PALM2AKAP2: variants seen among roughly 807,000 people sequenced by gnomAD.
The protein encoded by PALM2AKAP2 is PALM2-AKAP2 fusion protein.
PALM2AKAP2 carries 37 observed loss-of-function variants against 71.5 expected under a neutral mutation model. The observed-to-expected ratio is 0.52, with a 90% CI of 0.40 to 0.68. PALM2AKAP2 has a LOEUF of 0.68. Among genes scored for constraint, PALM2AKAP2 ranks in the 30% least tolerant of loss-of-function variants. The pLI is 0.00. For synonymous variants in PALM2AKAP2, 468 were observed against 478.8 expected, an observed-to-expected ratio of 0.98 and a Z score of 0.29; for missense variants, 1,224 against 1,191.8, an observed-to-expected ratio of 1.03 and a Z score of -0.40.
intron 3 of PALM2AKAP2, among the ~76,000 whole-genome samples, chr9:109,918,093 A>G (rs879335139): frequency 6.6e-6 from 1 of 152,078 alleles, no homozygotes; most frequent in Non-Finnish European, 1.5e-5. Context: ...TTGTATTGTA[A>G]TTTATGTGTT....
intron 7 of PALM2AKAP2, among the ~76,000 whole-genome samples, chr9:110,029,799 G>A (rs969874089): frequency 1.3e-5 from 2 of 152,132 alleles, no homozygotes; most frequent in African/African-American, 4.8e-5. Flanking sequence ...TTTAGGCAGG[G>A]AACCAGTTTG....
exon 4 of PALM2AKAP2, chr9:110,169,814 G>GGTGTGT (rs141063967): frequency 6.6e-6 from 1 of 151,334 alleles, no homozygotes; most frequent in East Asian, 1.9e-4. Flanking sequence ...CATGAGTAAG[G>GGTGTGT]GTGTGTGTGT....
intron 6 of PALM2AKAP2, chr9:109,943,322 C>A (rs757374309): frequency 6.2e-7 from 1 of 1,614,222 alleles, no homozygotes. Flanking sequence ...GTCTCAGACA[C>A]CACAGAGCCC....
chr9:109,672,576 T>C (rs1218279084), intron 1 of PALM2AKAP2, among the ~76,000 whole-genome samples: 1 of 152,034 alleles, frequency 6.6e-6, no homozygotes, highest in Non-Finnish European at 1.5e-5. Flanking sequence ...TTTTTGTTGT[T>C]GTATCTCTGT....
chr9:110,136,637 C>A (rs1454362578), exon 2 of PALM2AKAP2: 1 of 1,614,144 alleles, frequency 6.2e-7, no homozygotes, highest in African/African-American at 1.3e-5. Context: ...AACAAATGGC[C>A]ATTCCCCCAG....
At chr9:109,712,512 G>A (rs373075219) in intron 1 of PALM2AKAP2, among the ~76,000 whole-genome samples, 1 of 152,180 alleles carries the variant, frequency 6.6e-6, no homozygotes, top group East Asian at 1.9e-4. Context: ...GATTCATCTG[G>A]AAACAGTTGT....
Position 109,936,126 on chromosome 9 carries a change from A to G in PALM2AKAP2, c.496+4098A>G, listed in dbSNP as rs760043602. ...TGATACATAATAATTGTACATATTT[A>G]TGGGGTACATGTGGTATTTTGATAC... On this transcript the variant is annotated intron_variant, in intron 6 of 9. Coordinates refer to the PALM2AKAP2 transcript ENST00000302798. Among the ~76,000 whole-genome samples, 7 of 152,268 alleles carry G rather than the reference A, an allele frequency of 4.6e-5. 1 individual carries two copies. Among genetic ancestry groups the G allele is most frequent in the East Asian group, 1.9e-4 (1 of 5,188 alleles).
At chr9:109,781,885 A>G (rs1271329157) in intron 1 of PALM2AKAP2, among the ~76,000 whole-genome samples, 1 of 152,186 alleles carries the variant, frequency 6.6e-6, no homozygotes, top group Non-Finnish European at 1.5e-5. Context: ...AGTTGGTGGC[A>G]AGGCAGCATG....
At chr9:109,881,369 T>G (rs552089595) in intron 3 of PALM2AKAP2, among the ~76,000 whole-genome samples, 89 of 152,338 alleles carry the variant, frequency 5.8e-4, no homozygotes, top group African/African-American at 2.0e-3. Flanking sequence ...ATCTTTTTCC[T>G]CCTTCGGGTC....
At chr9:109,809,628 A>G (rs570711689) in intron 1 of PALM2AKAP2, among the ~76,000 whole-genome samples, 44 of 152,252 alleles carry the variant, frequency 2.9e-4, no homozygotes, top group African/African-American at 8.2e-4. Context: ...ATGAGTTAAG[A>G]CTTTGGGGGA....
rs144385220 is a variant in PALM2AKAP2, at chr9:109,799,532, T to C, written c.45+18999T>C. On this transcript the variant is annotated intron_variant, in intron 1 of 9. Coordinates refer to the PALM2AKAP2 transcript ENST00000302798. ...TTTTTGAGATGGGGTCTCACTCTGT[T>C]GCCCAGGCTGGAGTGCAGTGGCACG... 9.7e-4 allele frequency among the ~76,000 whole-genome samples: 148 copies of C among 152,320 alleles called. 1 individual carries two copies. Among genetic ancestry groups the C allele is most frequent in the African/African-American group, 3.2e-3 (131 of 41,552 alleles).
intron 1 of PALM2AKAP2, among the ~76,000 whole-genome samples, chr9:109,702,640 GT>G (rs1469013567): frequency 1.3e-5 from 2 of 151,682 alleles, no homozygotes; most frequent in Non-Finnish European, 2.9e-5. Flanking sequence ...TATACCTAAT[GT>G]TAAATGAGGA....
chr9:110,075,414 T>G (rs1454871738), intron 1 of PALM2AKAP2, among the ~76,000 whole-genome samples: 1 of 152,172 alleles, frequency 6.6e-6, no homozygotes, highest in Non-Finnish European at 1.5e-5. Context: ...ATTTCATTTT[T>G]CCTAATTATA....
intron 1 of PALM2AKAP2, among the ~76,000 whole-genome samples, chr9:109,643,505 G>A (rs952316018): frequency 6.6e-6 from 1 of 152,206 alleles, no homozygotes; most frequent in Non-Finnish European, 1.5e-5. Flanking sequence ...AAGGTCCTCA[G>A]CTTTTTCCCA....
intron 1 of PALM2AKAP2, among the ~76,000 whole-genome samples, chr9:110,118,799 CG>C (rs1564315003): frequency 1.3e-5 from 2 of 152,142 alleles, no homozygotes; most frequent in African/African-American, 4.8e-5. Flanking sequence ...TCTCTGTGAT[CG>C]GTTTCTTATG....
chr9:110,155,842 T>C (rs1438684651), intron 2 of PALM2AKAP2, among the ~76,000 whole-genome samples: 1 of 152,212 alleles, frequency 6.6e-6, no homozygotes, highest in Non-Finnish European at 1.5e-5. Flanking sequence ...CTATAGAGGA[T>C]AGACCCTGGT....
chr9:110,060,350 A>G (rs1282714017), intron 1 of PALM2AKAP2, among the ~76,000 whole-genome samples: 1 of 151,902 alleles, frequency 6.6e-6, no homozygotes, highest in Non-Finnish European at 1.5e-5. Flanking sequence ...TGATCTGCCC[A>G]CCTTGGCCTC....
At chr9:109,872,766 G>A (rs542448752) in intron 2 of PALM2AKAP2, among the ~76,000 whole-genome samples, 107 of 152,294 alleles carry the variant, frequency 7.0e-4, no homozygotes, top group African/African-American at 2.5e-3. Context: ...ATATTACAGT[G>A]TCTTTCCCGG....
upstream of PALM2AKAP2, among the ~76,000 whole-genome samples, chr9:109,777,142 C>A (rs1829359906): frequency 6.6e-6 from 1 of 152,202 alleles, no homozygotes; most frequent in Non-Finnish European, 1.5e-5. Context: ...CAGTCTTAAT[C>A]AATGACTCTT....
Sources: gnomAD v4.1 joint callset for allele counts (sites outside exome capture counted in the v4.1 genomes callset) on GRCh38, gnomAD v4.1.1 for gene constraint, MANE v1.5 for transcripts, NCBI Gene and HGNC (gene_info 2026-07-23, HGNC 2026-07-21) for gene names.